The following PAK1 variants were observed in gnomAD, a reference collection of about 807,000 sequenced individuals.
The protein encoded by PAK1 is serine/threonine-protein kinase PAK 1.
In PAK1, 29 loss-of-function variants were observed where a neutral mutation model predicts 67.4. That is an observed-to-expected ratio of 0.43 (90% CI 0.32 to 0.59). The LOEUF is 0.59. Among genes scored for constraint, PAK1 ranks in the 20% least tolerant of loss-of-function variants. The probability of loss-of-function intolerance (pLI) is 0.07; values close to 1 mark genes in which losing one functional copy is unlikely to be tolerated. For missense variants in PAK1, 337 were observed against 670.7 expected, an observed-to-expected ratio of 0.50 and a Z score of 5.50; for synonymous variants, 223 against 237.4, an observed-to-expected ratio of 0.94 and a Z score of 0.56.
At chr11:77,462,049 G>A (rs542631323) in intron 1 of PAK1, among the ~76,000 whole-genome samples, 16 of 152,280 alleles carry the variant, frequency 1.1e-4, no homozygotes, top group African/African-American at 2.2e-4. Context: ...TCTTTTCGCC[G>A]GGCGCTGTGG....
intron 12 of PAK1, among the ~76,000 whole-genome samples, 173 bp from the exon 13 acceptor site, chr11:77,336,455 T>C (rs1011271346): frequency 6.6e-6 from 1 of 152,166 alleles, no homozygotes; most frequent in Admixed American, 6.5e-5. Flanking sequence ...TCCTAGCCTA[T>C]TTCCTATTGA....
chr11:77,520,631 C>T, the PAK1 span, among the ~76,000 whole-genome samples: 1 of 152,090 alleles, frequency 6.6e-6, no homozygotes, highest in Non-Finnish European at 1.5e-5. Context: ...AGGATGCATC[C>T]GAGAGGAGTG....
chr11:77,343,382 G>A (rs1476393693), intron 10 of PAK1, among the ~76,000 whole-genome samples: 1 of 152,112 alleles, frequency 6.6e-6, no homozygotes, highest in Admixed American at 6.5e-5. Flanking sequence ...TTTAGAAAGA[G>A]TCCCACTCTC....
At chr11:77,483,811 A>T in the PAK1 span, among the ~76,000 whole-genome samples, 1 of 152,358 alleles carries the variant, frequency 6.6e-6, no homozygotes, top group South Asian at 2.1e-4. Flanking sequence ...AAGGGGTTAC[A>T]GCAATTCGTG....
intron 1 of PAK1, among the ~76,000 whole-genome samples, chr11:77,456,611 T>C (rs895427205): frequency 6.6e-6 from 1 of 152,254 alleles, no homozygotes; most frequent in Non-Finnish European, 1.5e-5. Flanking sequence ...TTCTCTATCC[T>C]GTAATGATAA....
chr11:77,420,127 TG>T (rs1277827739), intron 1 of PAK1, among the ~76,000 whole-genome samples: 2 of 152,208 alleles, frequency 1.3e-5, no homozygotes, highest in African/African-American at 4.8e-5. Context: ...AAAAGGTTCA[TG>T]GAAGAGGCAG....
intron 5 of PAK1, among the ~76,000 whole-genome samples, chr11:77,369,464 T>TC (rs1429455351): frequency 7.0e-6 from 1 of 142,574 alleles, no homozygotes; most frequent in Non-Finnish European, 1.5e-5. Flanking sequence ...TTTTTTTTTT[T>TC]TGAGATGGAG....
chr11:77,436,507 C>T (rs79020600), intron 1 of PAK1, among the ~76,000 whole-genome samples: 6,301 of 152,288 alleles, frequency 0.041, 433 homozygotes, highest in African/African-American at 0.14. Flanking sequence ...AATTACCTCT[C>T]ATGTGCCTAC....
At chr11:77,358,057 A>G (rs1259402563) in intron 6 of PAK1, among the ~76,000 whole-genome samples, 1 of 152,160 alleles carries the variant, frequency 6.6e-6, no homozygotes, top group East Asian at 1.9e-4. Context: ...TAGGTCATAT[A>G]ATTCCTTTGA....
At chr11:77,503,980 C>T in the PAK1 span, among the ~76,000 whole-genome samples, 1 of 152,126 alleles carries the variant, frequency 6.6e-6, no homozygotes, top group Non-Finnish European at 1.5e-5. Flanking sequence ...CAGTCTCTGC[C>T]TCCCATGTTC....
chr11:77,422,422 A>C (rs1283622151), intron 1 of PAK1, among the ~76,000 whole-genome samples: 3 of 152,022 alleles, frequency 2.0e-5, no homozygotes, highest in Admixed American at 2.0e-4. Flanking sequence ...TTAGCCAGGC[A>C]TGGTGGCAGG....
rs1009588397 is a variant in PAK1 at position 77,474,077 on chromosome 11, A to G, written c.-547T>C. ...CGCGGGAGGGCAGCCTCCCCCGCCCACAGCCGCGCTATTGTACGCCGCCCG... is the reference window on the plus strand; with the variant it reads ...CGCGGGAGGGCAGCCTCCCCCGCCCGCAGCCGCGCTATTGTACGCCGCCCG... On this transcript the variant is annotated 5_prime_UTR_variant, in exon 1 of 15. Coordinates refer to ENST00000356341, the MANE Select transcript of PAK1 (RefSeq NM_002576.5). 7 of 152,152 alleles carry G rather than the reference A, an allele frequency of 4.6e-5. No homozygotes were observed. The highest frequency in any genetic ancestry group is 1.7e-4 in the African/African-American group (7 of 41,316). The allele number at this position is 152,152 out of a possible 1,614,324, so 9.4% of individuals were successfully genotyped here.
chr11:77,333,199 T>C (rs1289555478), intron 13 of PAK1, among the ~76,000 whole-genome samples: 1 of 146,598 alleles, frequency 6.8e-6, no homozygotes, highest in East Asian at 2.0e-4. Flanking sequence ...TTCTTCTTTT[T>C]TTTTTTTTTT....
At chr11:77,376,923 T>G (rs1344504285) in intron 4 of PAK1, among the ~76,000 whole-genome samples, 1 of 152,134 alleles carries the variant, frequency 6.6e-6, no homozygotes, top group Non-Finnish European at 1.5e-5. Flanking sequence ...CTAATTAATT[T>G]CTTTGAGTAT....
chr11:77,347,413 C>CA lies in PAK1; in HGVS notation c.885+1825dup, dbSNP rs542730179. Among the ~76,000 whole-genome samples, 779 of 151,482 alleles carry CA rather than the reference C, an allele frequency of 5.1e-3. 6 individuals are homozygous for CA. Among genetic ancestry groups the CA allele is most frequent in the Non-Finnish European group, 6.6e-3 (448 of 67,792 alleles). ...GGTAATTGCTGACAGTACAACTTTG[C>CA]AAAAAAAAGTTATCTATACACCCTG... is the stretch of plus-strand genomic sequence containing the variant. On this transcript the variant is annotated intron_variant, in intron 9 of 14. Transcript: ENST00000356341.
At chr11:77,472,260 C>T (rs951282743) in intron 1 of PAK1, among the ~76,000 whole-genome samples, 6 of 152,186 alleles carry the variant, frequency 3.9e-5, no homozygotes, top group Non-Finnish European at 7.3e-5. Context: ...GGGAAGTTTT[C>T]AGGGTCAATG....
chr11:77,323,221 G>A lies in PAK1; in HGVS notation c.*53C>T, dbSNP rs1591606633. The A allele has an allele frequency of 6.2e-7, 1 of 1,612,410 alleles. No individual in the cohort carries two copies. The highest frequency in any genetic ancestry group is 8.5e-7 in the Non-Finnish European group (1 of 1,179,100). ...CATCAGGAGTTGGAATTTCTGAAAT[G>A]TGCATTTATCTCACAGAAGGCTTGG... On this transcript the variant is annotated 3_prime_UTR_variant, in exon 15 of 15. Coordinates refer to ENST00000356341, the MANE Select transcript of PAK1 (RefSeq NM_002576.5).
At chr11:77,460,784 G>T (rs1046324374) in intron 1 of PAK1, among the ~76,000 whole-genome samples, 3 of 152,024 alleles carry the variant, frequency 2.0e-5, no homozygotes, top group African/African-American at 7.2e-5. Context: ...AGGAAGGAAT[G>T]GGTACAAATC....
chr11:77,395,054 T>A (rs920203210), intron 1 of PAK1, among the ~76,000 whole-genome samples: 4 of 152,232 alleles, frequency 2.6e-5, no homozygotes, highest in African/African-American at 9.6e-5. Flanking sequence ...TACACTTCTA[T>A]GCTTTTGTGC....
Sources: gnomAD v4.1 joint callset for allele counts (sites outside exome capture counted in the v4.1 genomes callset) on GRCh38, gnomAD v4.1.1 for gene constraint, MANE v1.5 for transcripts, NCBI Gene and HGNC (gene_info 2026-07-23, HGNC 2026-07-21) for gene names.